Variants in DGLUCY observed in about 807,000 individuals in gnomAD.
The protein encoded by DGLUCY is D-glutamate cyclase, mitochondrial.
Under a neutral mutation model 58.5 loss-of-function variants are expected in DGLUCY, and 58 were observed. The ratio of observed to expected loss-of-function variants is 0.99; its 90% CI spans 0.80 to 1.23. The LOEUF is 1.23. DGLUCY is among the 50% of genes most tolerant of loss of function. DGLUCY has a pLI of 0.00. For missense variants in DGLUCY, 779 were observed against 784.7 expected, an observed-to-expected ratio of 0.99 and a Z score of 0.09; for synonymous variants, 325 against 314.1, an observed-to-expected ratio of 1.03 and a Z score of -0.37.
intron 8 of DGLUCY, 28 bp from the exon 9 acceptor site, chr14:91,188,881 AC>A (rs1280342340): frequency 1.3e-6 from 2 of 1,584,522 alleles, no homozygotes; most frequent in South Asian, 2.3e-5. Flanking sequence ...AAATATAGTT[AC>A]TTTTACATTC....
chr14:91,204,882 T>G (rs990393871), intron 12 of DGLUCY, 57 bp downstream of exon 12: 21 of 1,609,150 alleles, frequency 1.3e-5, no homozygotes, highest in Admixed American at 3.4e-5. Flanking sequence ...GCGACCTGGC[T>G]TGGAGCCTGA....
At chr14:91,099,427 A>G (rs1566939784) in intron 1 of DGLUCY, among the ~76,000 whole-genome samples, 1 of 151,698 alleles carries the variant, frequency 6.6e-6, no homozygotes, top group Non-Finnish European at 1.5e-5. Context: ...CAGCTACTGG[A>G]GAGGCCGAAG....
At chr14:91,144,176 C>T (rs1039313354) in intron 1 of DGLUCY, among the ~76,000 whole-genome samples, 3 of 152,170 alleles carry the variant, frequency 2.0e-5, no homozygotes, top group East Asian at 1.9e-4. Context: ...ACTGCTCAGC[C>T]GGGGTGGGAG....
chr14:91,189,854 AG>A (rs968477567), intron 9 of DGLUCY: 1 of 152,934 alleles, frequency 6.5e-6, no homozygotes, highest in African/African-American at 2.4e-5. Context: ...AAACTCAGTA[AG>A]GCATACCCTA....
intron 8 of DGLUCY, among the ~76,000 whole-genome samples, chr14:91,186,310 G>C (rs189152548): frequency 6.6e-6 from 1 of 151,978 alleles, no homozygotes; most frequent in South Asian, 2.1e-4. Flanking sequence ...GCAGTGGTGC[G>C]ATCTCAGCTC....
chr14:91,139,907 G>A (rs1273557583), intron 1 of DGLUCY, among the ~76,000 whole-genome samples: 1 of 152,214 alleles, frequency 6.6e-6, no homozygotes, highest in African/African-American at 2.4e-5. Context: ...GAGAAAGCAG[G>A]ATGGAGGGGG....
intron 4 of DGLUCY, among the ~76,000 whole-genome samples, 180 bp from the exon 5 acceptor site, chr14:91,169,823 G>A (rs2048472447): frequency 1.3e-5 from 2 of 152,054 alleles, no homozygotes; most frequent in Admixed American, 1.3e-4. Flanking sequence ...TTCCGATCTG[G>A]GGACATTTGA....
chr14:91,090,224 T>C (rs867970152), intron 1 of DGLUCY, among the ~76,000 whole-genome samples: 2 of 151,960 alleles, frequency 1.3e-5, no homozygotes, highest in Non-Finnish European at 1.5e-5. Flanking sequence ...CAGGTTCTTA[T>C]GGGGGAACCC....
At chr14:91,125,782 GTC>G (rs2140165110) in intron 1 of DGLUCY, among the ~76,000 whole-genome samples, 1 of 152,238 alleles carries the variant, frequency 6.6e-6, no homozygotes, top group South Asian at 2.1e-4. Context: ...GTGAAATCCT[GTC>G]TCTACTAAAA....
Position 91,091,627 on chromosome 14 carries a change from C to G in DGLUCY, c.-82+30923C>G, listed in dbSNP as rs143287959. ...GTGGAAATAATGCAAAAAGTTCTGA[C>G]AACTGGACAAAGGTCCATAGCCTGT... On this transcript the variant is annotated intron_variant, in intron 1 of 4. Transcript: ENST00000521334. 1.3e-4 allele frequency among the ~76,000 whole-genome samples: 20 copies of G among 152,296 alleles called. No individual in the cohort carries two copies. In the East Asian group the frequency reaches 3.9e-3, roughly 29 times the overall value.
chr14:91,189,277 C>A, intron 9 of DGLUCY, 107 bp downstream of exon 9: 1 of 1,416,448 alleles, frequency 7.1e-7, no homozygotes, highest in Non-Finnish European at 9.7e-7. Context: ...CAGCTCAGAA[C>A]AACTCCGTTG....
At chr14:91,063,526 T>C (rs747123981) in intron 1 of DGLUCY, among the ~76,000 whole-genome samples, 1 of 152,256 alleles carries the variant, frequency 6.6e-6, no homozygotes, top group Admixed American at 6.5e-5. Context: ...CAGACTGTGA[T>C]GTGAGCAATA....
intron 1 of DGLUCY, among the ~76,000 whole-genome samples, chr14:91,083,205 G>T (rs1256114277): frequency 6.6e-6 from 1 of 152,172 alleles, no homozygotes; most frequent in Non-Finnish European, 1.5e-5. Flanking sequence ...ATCGGAGGTA[G>T]TGGTCTGCCT....
intron 1 of DGLUCY, among the ~76,000 whole-genome samples, chr14:91,085,365 A>G (rs942817266): frequency 1.1e-4 from 16 of 151,958 alleles, no homozygotes; most frequent in African/African-American, 3.9e-4. Context: ...TCAAGGGCCA[A>G]CTCAAAGGCC....
chr14:91,178,892 G>T (rs1004022516), intron 7 of DGLUCY, among the ~76,000 whole-genome samples: 2 of 152,098 alleles, frequency 1.3e-5, no homozygotes, highest in South Asian at 2.1e-4. Context: ...TTAGCCAGGC[G>T]TGATGGCACA....
chr14:91,196,037 G>A (rs533639096), intron 9 of DGLUCY, among the ~76,000 whole-genome samples: 4 of 152,188 alleles, frequency 2.6e-5, no homozygotes, highest in African/African-American at 9.6e-5. Flanking sequence ...CACTGTCACC[G>A]AGGGCACATA....
chr14:91,160,513 CAG>C, intron 3 of DGLUCY, 116 bp downstream of exon 3: 2 of 722,882 alleles, frequency 2.8e-6, no homozygotes, highest in East Asian at 5.4e-5. Context: ...GCATAGGAAA[CAG>C]AAAGTAAGAG....
At position 91,118,668 on chromosome 14, in the gene DGLUCY, G is replaced by C. The variant is rs185508232; in HGVS notation, c.-82+4385G>C. 8.9e-4 allele frequency among the ~76,000 whole-genome samples: 136 copies of C among 152,230 alleles called. 1 individual carries two copies. Among genetic ancestry groups the C allele is most frequent in the African/African-American group, 3.2e-3 (133 of 41,538 alleles). Reference sequence around the variant, plus strand: ...GTCAGTTGTATCTAAACTCCCAAGTGGTGGGGGATAATGAGGCATGTTCAG... The same window carrying C: ...GTCAGTTGTATCTAAACTCCCAAGTCGTGGGGGATAATGAGGCATGTTCAG... On this transcript the variant is annotated intron_variant, in intron 1 of 13. Coordinates refer to ENST00000256324, the MANE Select transcript of DGLUCY (RefSeq NM_001102368.3).
At chr14:91,094,046 C>T (rs2044354144) in intron 1 of DGLUCY, among the ~76,000 whole-genome samples, 1 of 152,126 alleles carries the variant, frequency 6.6e-6, no homozygotes, top group African/African-American at 2.4e-5. Context: ...AGTTGCCCAA[C>T]ACTATGCAGA....
Sources: allele counts gnomAD v4.1 joint callset (sites outside exome capture counted in the v4.1 genomes callset), GRCh38; gene constraint gnomAD v4.1.1; transcripts MANE v1.5; gene names NCBI Gene and HGNC (gene_info 2026-07-23, HGNC 2026-07-21).